The following PWWP2A variants were observed in gnomAD, a reference collection of about 807,000 sequenced individuals.
PWWP2A encodes the protein PWWP domain-containing protein 2A.
PWWP2A carries 18 observed loss-of-function variants against 48.5 expected under a neutral mutation model. That is an observed-to-expected ratio of 0.37 (90% CI 0.26 to 0.55). The LOEUF is 0.55. Among genes scored for constraint, PWWP2A ranks in the 20% least tolerant of loss-of-function variants. The pLI is 0.81. For missense variants in PWWP2A, 867 were observed against 976.4 expected (o/e 0.89, Z 1.49); for synonymous variants, 396 against 387.7 (o/e 1.02, Z -0.25).
At chr5:160,057,325 G>C (rs542152756), downstream of PWWP2A, among the ~76,000 whole-genome samples, 1 of 151,924 alleles carries the variant, frequency 6.6e-6, no homozygotes, top group South Asian at 2.1e-4. The surrounding 1 kb of genome is among the most constrained non-coding windows in gnomAD (Gnocchi z 4.4). Context: ...CGAGTCACAA[G>C]AATTTTTTGT....
At chr5:160,090,105 G>A, downstream of PWWP2A, 2 of 984,942 alleles carry the variant, frequency 2.0e-6, no homozygotes, top group South Asian at 4.7e-5. Context: ...TTTGTGATAT[G>A]CTCAACCTTT....
At chr5:160,080,752 A>C in exon 3 of PWWP2A, 1 of 1,563,334 alleles carries the variant, frequency 6.4e-7, no homozygotes, top group East Asian at 2.3e-5. Flanking sequence ...CTGATGTAAT[A>C]GCTGCCATTT....
chr5:160,093,681 A>G lies in PWWP2A; in HGVS notation c.969T>C (p.Asp323=), dbSNP rs768622147. The G allele has an allele frequency of 1.9e-6, 3 of 1,613,874 alleles. No homozygotes were observed. The highest frequency in any genetic ancestry group is 2.2e-5 in the South Asian group (2 of 91,088). ...IKLRPRQVLC[D]KCKNSVVAEK... The stretch of plus-strand genomic sequence containing the variant: ...CAGCAACAACACTGTTTTTACATTT[A>G]TCACACAGAACTTGCCTGGGTCGTA... The change falls in exon 2 of 2, where the codon GAT becomes GAC. Residue 323 remains aspartate (D), a synonymous_variant. Coordinates refer to ENST00000307063, the MANE Select transcript of PWWP2A (RefSeq NM_001130864.2). This position sits in a 1 kb window ranked among gnomAD's most constrained non-coding sequence, Gnocchi z 5.8.
chr5:160,054,921 C>T, the PWWP2A span, among the ~76,000 whole-genome samples: 1 of 152,188 alleles, frequency 6.6e-6, no homozygotes, highest in Non-Finnish European at 1.5e-5. Flanking sequence ...CCTGAAGCTC[C>T]TCTGCTCAAC....
At chr5:160,118,778 G>A (rs773585557) in intron 1 of PWWP2A, 27 bp downstream of exon 1, 40 of 1,394,244 alleles carry the variant, frequency 2.9e-5, no homozygotes, top group Middle Eastern at 1.9e-4. Context: ...CCAGCGGACC[G>A]GAGGGTGCTG....
chr5:160,113,109 A>G (rs1409905055), intron 1 of PWWP2A: 1 of 421,926 alleles, frequency 2.4e-6, no homozygotes, highest in Admixed American at 6.4e-5. Context: ...AGTGAGCCGA[A>G]GTCCCGCCAC....
chr5:160,071,365 A>G (rs115153304), downstream of PWWP2A, among the ~76,000 whole-genome samples: 870 of 152,246 alleles, frequency 5.7e-3, 7 homozygotes, highest in African/African-American at 0.02. Flanking sequence ...CTGAATAGAT[A>G]GTGGGATGAG....
intron 2 of PWWP2A, among the ~76,000 whole-genome samples, chr5:160,082,610 C>G (rs1754326618): frequency 6.6e-6 from 1 of 152,178 alleles, no homozygotes; most frequent in African/African-American, 2.4e-5. Context: ...TCACCTGCAA[C>G]CCCCTGAAAT....
At chr5:160,055,285 A>C in the PWWP2A span, among the ~76,000 whole-genome samples, 1 of 152,224 alleles carries the variant, frequency 6.6e-6, no homozygotes, top group Non-Finnish European at 1.5e-5. Flanking sequence ...TTGATCTGTC[A>C]TCTCAGCTTA....
chr5:160,049,399 C>A, the PWWP2A span: 1 of 1,032,636 alleles, frequency 9.7e-7, no homozygotes, highest in Non-Finnish European at 1.3e-6. Context: ...ATACACTTGG[C>A]AAATGACTCT....
rs751537099 is a variant in PWWP2A at position 160,119,080 on chromosome 5, C to T, written c.309G>A (p.Ala103=). The T allele has an allele frequency of 2.5e-6, 4 of 1,588,400 alleles. No homozygotes were observed. In the South Asian group the frequency reaches 4.4e-5, roughly 18 times the overall value. The change falls in exon 1 of 2, where the codon GCG becomes GCA. Residue 103 remains alanine (A), a synonymous_variant. Coordinates refer to ENST00000307063, the MANE Select transcript of PWWP2A (RefSeq NM_001130864.2). ...CCGGCCCTCCCTGAGGCGCGGCTGC[C>T]GCCGACTCCGCCACCCGAACGGACA... ...EKLSVRVAES[A]AAAPQGGPEL... is the part of the protein sequence containing the mutation.
the PWWP2A span, among the ~76,000 whole-genome samples, chr5:160,045,504 ACACACACACATACACACT>A: frequency 1.1e-5 from 1 of 95,140 alleles, no homozygotes; most frequent in Non-Finnish European, 2.1e-5. Context: ...ACACACACAC[ACACACACACATACACACT>A]CTCTCTCTCT....
At chr5:160,056,364 C>T in the PWWP2A span, among the ~76,000 whole-genome samples, 1 of 152,172 alleles carries the variant, frequency 6.6e-6, no homozygotes, top group Non-Finnish European at 1.5e-5. Context: ...TTGTTCACTC[C>T]TGGCCACTAG....
chr5:160,050,806 T>C, the PWWP2A span, among the ~76,000 whole-genome samples: 1 of 151,852 alleles, frequency 6.6e-6, no homozygotes, highest in African/African-American at 2.4e-5. Context: ...TTGTATTTCT[T>C]GTAGAGACAG....
At chr5:160,118,725 T>C (rs573008852) in intron 1 of PWWP2A, 80 bp downstream of exon 1, 13,447 of 1,293,668 alleles carry the variant, frequency 0.01, 81 homozygotes, top group Non-Finnish European at 0.012. Flanking sequence ...AAGCGAGGGC[T>C]CGGGGAGAGG....
downstream of PWWP2A, among the ~76,000 whole-genome samples, chr5:160,086,733 C>T (rs2113498113): frequency 6.6e-6 from 1 of 152,260 alleles, no homozygotes; most frequent in South Asian, 2.1e-4. Flanking sequence ...CTTCCTGCCT[C>T]AGCCTCTGGA....
intron 1 of PWWP2A, among the ~76,000 whole-genome samples, chr5:160,095,413 CTAAGT>C (rs1417064227): frequency 2.0e-5 from 3 of 152,164 alleles, no homozygotes; most frequent in Non-Finnish European, 4.4e-5. Flanking sequence ...ACTTGCTATA[CTAAGT>C]TTTCTTCACA....
downstream of PWWP2A, chr5:160,090,740 C>CA (rs1754995118): frequency 8.4e-6 from 8 of 958,020 alleles, no homozygotes; most frequent in South Asian, 3.4e-4. Context: ...TAGAAATCCA[C>CA]AAAAAACTGC....
At chr5:160,081,509 G>A (rs1005176847) in intron 2 of PWWP2A, among the ~76,000 whole-genome samples, 3 of 152,042 alleles carry the variant, frequency 2.0e-5, no homozygotes, top group Non-Finnish European at 4.4e-5. Flanking sequence ...CAAAGTGCTG[G>A]GATTATAGGC....
Sources: gnomAD v4.1 joint callset for allele counts (sites outside exome capture counted in the v4.1 genomes callset) on GRCh38, gnomAD v4.1.1 for gene constraint, Gnocchi (gnomAD v3.1) non-coding constraint, MANE v1.5 for transcripts, NCBI Gene and HGNC (gene_info 2026-07-23, HGNC 2026-07-21) for gene names.